The following CHD9 variants were observed in gnomAD, a reference collection of about 807,000 sequenced individuals.
CHD9 encodes ATP-dependent chromatin remodeler CHD9.
CHD9 carries 77 observed loss-of-function variants against 316.1 expected under a neutral mutation model. The ratio of observed to expected loss-of-function variants is 0.24; its 90% CI spans 0.20 to 0.29. The LOEUF is 0.29. Among genes scored for constraint, CHD9 ranks in the 10% least tolerant of loss-of-function variants. CHD9 has a pLI of 1.00. For synonymous variants in CHD9, 1,129 were observed against 1,158.3 expected, an observed-to-expected ratio of 0.97 and a Z score of 0.51; for missense variants, 2,763 against 3,438.1, an observed-to-expected ratio of 0.80 and a Z score of 4.91.
At chr16:53,080,366 A>T (rs764060133) in intron 1 of CHD9, among the ~76,000 whole-genome samples, 22 of 152,194 alleles carry the variant, frequency 1.4e-4, no homozygotes, top group Non-Finnish European at 2.8e-4. Context: ...AGTTTCTAGT[A>T]CAGCAGTTTG....
At chr16:53,109,627 G>C (rs1006067618) in intron 1 of CHD9, among the ~76,000 whole-genome samples, 8 of 148,956 alleles carry the variant, frequency 5.4e-5, no homozygotes, top group Admixed American at 4.7e-4. Context: ...GAGCCACAGC[G>C]CCCGTCCTAA....
At chr16:53,234,925 T>C (rs2048496558) in intron 10 of CHD9, among the ~76,000 whole-genome samples, 2 of 152,176 alleles carry the variant, frequency 1.3e-5, no homozygotes, top group African/African-American at 4.8e-5. Flanking sequence ...GTGAGGGACA[T>C]TGGTCTGTAG....
At chr16:53,208,081 C>T (rs2046025591) in intron 2 of CHD9, 1 of 999,470 alleles carries the variant, frequency 1.0e-6, no homozygotes, top group South Asian at 4.0e-5. Flanking sequence ...TGAGGAAACT[C>T]AGCTTTTTAG....
chr16:53,172,997 TTGA>T (rs1231141516), intron 2 of CHD9, among the ~76,000 whole-genome samples: 1 of 152,194 alleles, frequency 6.6e-6, no homozygotes, highest in African/African-American at 2.4e-5. Context: ...GTTGTTAAAG[TTGA>T]TGAAGTCTAG....
chr16:53,151,089 C>T (rs184518492), intron 1 of CHD9, among the ~76,000 whole-genome samples: 30 of 152,096 alleles, frequency 2.0e-4, no homozygotes, highest in African/African-American at 6.7e-4. Flanking sequence ...TTCTGGGATG[C>T]CCACAATGTA....
chr16:53,085,535 G>T (rs2035395968), intron 1 of CHD9, among the ~76,000 whole-genome samples: 2 of 152,096 alleles, frequency 1.3e-5, no homozygotes, highest in Non-Finnish European at 2.9e-5. Flanking sequence ...GCTGGGGGCT[G>T]GGTTCTTTCT....
chr16:53,085,645 C>T (rs927531375), intron 1 of CHD9, among the ~76,000 whole-genome samples: 1 of 152,192 alleles, frequency 6.6e-6, no homozygotes. Context: ...AACACACACC[C>T]GCTTTAGCAA....
At chr16:53,071,808 A>T (rs2034079194) in intron 1 of CHD9, among the ~76,000 whole-genome samples, 1 of 152,118 alleles carries the variant, frequency 6.6e-6, no homozygotes, top group African/African-American at 2.4e-5. Context: ...GCTGAGGACA[A>T]AGGTGAGGGA....
chr16:53,059,172 C>T (rs1055147862), intron 1 of CHD9, among the ~76,000 whole-genome samples: 3 of 152,158 alleles, frequency 2.0e-5, no homozygotes, highest in Non-Finnish European at 2.9e-5. Context: ...AATCTCAGGA[C>T]GTGGGCTGGA....
intron 2 of CHD9, among the ~76,000 whole-genome samples, chr16:53,192,329 C>T (rs923527711): frequency 1.3e-5 from 2 of 152,110 alleles, no homozygotes; most frequent in Non-Finnish European, 2.9e-5. Flanking sequence ...TATTTAGAGA[C>T]TTAAATAACA....
chr16:53,131,080 G>GCTGCCACCCACCGCCCGCCA (rs2039251289), intron 1 of CHD9: 2 of 156,928 alleles, frequency 1.3e-5, no homozygotes, highest in Non-Finnish European at 2.8e-5. Context: ...CGCCGCCGCC[G>GCTGCCACCCACCGCCCGCCA]CTGCCACCCA....
chr16:53,303,550 C>A (rs950537504), intron 30 of CHD9, among the ~76,000 whole-genome samples, 170 bp from the exon 31 acceptor site: 5 of 152,138 alleles, frequency 3.3e-5, no homozygotes, highest in African/African-American at 1.2e-4. Context: ...AAAATCCTCA[C>A]TGAATTTCTC....
chr16:53,184,229 A>G (rs2043790782), intron 2 of CHD9, among the ~76,000 whole-genome samples: 1 of 147,454 alleles, frequency 6.8e-6, no homozygotes. Context: ...TAAACTCTGT[A>G]CAGTATTCTA....
chr16:53,166,581 A>G (rs926859959), intron 2 of CHD9, among the ~76,000 whole-genome samples: 6 of 152,180 alleles, frequency 3.9e-5, no homozygotes, highest in African/African-American at 7.2e-5. Flanking sequence ...ATTTATTCCT[A>G]TGATTGTAAC....
intron 1 of CHD9, among the ~76,000 whole-genome samples, chr16:53,120,470 G>C (rs576439711): frequency 6.6e-6 from 1 of 151,700 alleles, no homozygotes; most frequent in South Asian, 2.1e-4. Flanking sequence ...AAAATTAGCC[G>C]GGTGTGGTGG....
At chr16:53,225,771 TTTATA>T (rs1353810797) in intron 4 of CHD9, among the ~76,000 whole-genome samples, 4 of 152,150 alleles carry the variant, frequency 2.6e-5, no homozygotes, top group East Asian at 1.9e-4. Flanking sequence ...TTTTAAATAT[TTTATA>T]TTATGTTATT....
chr16:53,098,293 T>C (rs2036547825), intron 1 of CHD9, among the ~76,000 whole-genome samples: 1 of 152,018 alleles, frequency 6.6e-6, no homozygotes, highest in African/African-American at 2.4e-5. Flanking sequence ...CTGGCCAACA[T>C]GGTGAAACCT....
intron 2 of CHD9, among the ~76,000 whole-genome samples, chr16:53,174,108 C>G (rs1407272668): frequency 2.0e-5 from 3 of 152,076 alleles, no homozygotes; most frequent in Non-Finnish European, 4.4e-5. Flanking sequence ...CATGGCAAAA[C>G]CCACTCTCTA....
rs529725832 is a variant in CHD9, at chr16:53,192,961, C to T, written c.1453-16521C>T. On this transcript the variant is annotated intron_variant, in intron 2 of 38. Transcript: ENST00000447540. ...GTATATACAGCTTTTTTTTGTTAAC[C>T]ATATGTTTTCACTCTCGGGTAAATA... 2.2e-4 allele frequency among the ~76,000 whole-genome samples: 34 copies of T among 151,478 alleles called. 1 individual carries two copies. The highest frequency in any genetic ancestry group is 8.0e-4 in the African/African-American group (33 of 41,316).
Sources: allele counts gnomAD v4.1 joint callset (sites outside exome capture counted in the v4.1 genomes callset), GRCh38; gene constraint gnomAD v4.1.1; transcripts MANE v1.5; gene names NCBI Gene and HGNC (gene_info 2026-07-23, HGNC 2026-07-21).